The following ZER1 variants were observed in gnomAD, a reference collection of about 807,000 sequenced individuals.
ZER1 encodes the protein protein zer-1 homolog.
Under a neutral mutation model 78.8 loss-of-function variants are expected in ZER1, and 11 were observed. That is an observed-to-expected ratio of 0.14 (90% confidence interval 0.09 to 0.23). The LOEUF is 0.23. ZER1 is among the 10% of genes least tolerant of loss of function. ZER1 has a pLI of 1.00. For synonymous variants in ZER1, 400 were observed against 407.0 expected (o/e 0.98, Z 0.21); for missense variants, 588 against 996.9 (o/e 0.59, Z 5.52).
intron 1 of ZER1, among the ~76,000 whole-genome samples, chr9:128,756,754 T>C (rs1863871905): frequency 2.0e-5 from 3 of 152,192 alleles, no homozygotes; most frequent in African/African-American, 7.2e-5. Flanking sequence ...ACTGCCAGTG[T>C]GTATGGAGTT....
chr9:128,761,089 C>T (rs1211039419), intron 1 of ZER1, among the ~76,000 whole-genome samples: 10 of 138,060 alleles, frequency 7.2e-5, no homozygotes, highest in Admixed American at 2.2e-4. Flanking sequence ...ACCCGGGAGG[C>T]GGAGCTTGCA....
In ZER1 at chr9:128,741,887, C is replaced by T. The variant is rs746159231; in HGVS notation, c.1576-46G>A. ...CTGCTAGAGTGCTGGGGCTGAAGAA[C>T]TCCCACCCCCACGAACCCAAGATGG... On this transcript the variant is annotated intron_variant, in intron 9 of 15. Transcript: ENST00000291900. 5.0e-6 allele frequency: 8 copies of T among 1,613,774 alleles called. 1 individual carries two copies. The South Asian group carries it at 8.8e-5, about 18-fold the overall frequency.
At position 128,751,272 on chromosome 9, in the gene ZER1, C is replaced by T. The variant is rs768397777; in HGVS notation, c.1039-4G>A. The T allele has an allele frequency of 6.3e-6, 10 of 1,596,360 alleles. No homozygotes were observed. The highest frequency in any genetic ancestry group is 1.7e-4 in the Middle Eastern group (1 of 6,042). On this transcript the variant is annotated splice_region_variant and splice_polypyrimidine_tract_variant and intron_variant, in intron 6 of 15. Transcript: ENST00000291900. The surrounding 1 kb of genome is among the most constrained non-coding windows in gnomAD (Gnocchi z 5.4). ...CTTCGTTTTTGTCACCACTTACCTG[C>T]GGGTGGGACACGCTCAGAACAACCC...
intron 1 of ZER1, among the ~76,000 whole-genome samples, chr9:128,764,827 C>G (rs1025897782): frequency 6.6e-6 from 1 of 152,152 alleles, no homozygotes; most frequent in African/African-American, 2.4e-5. Flanking sequence ...TTATGACCGA[C>G]CACCACACTG....
At position 128,753,611 on chromosome 9, in the gene ZER1, G is replaced by A; in HGVS notation, c.310-11C>T. The stretch of plus-strand genomic sequence containing the variant: ...CAGCTCCACCAGGTCCTGGGAGTGG[G>A]CACAGCTCCATCATCATCACCACCC... On this transcript the variant is annotated splice_polypyrimidine_tract_variant and intron_variant, in intron 3 of 15. Coordinates refer to ENST00000291900, the MANE Select transcript of ZER1 (RefSeq NM_006336.4). This position sits in a 1 kb window ranked among gnomAD's most constrained non-coding sequence, Gnocchi z 7.5. 1 of 1,610,710 alleles carries A rather than the reference G, an allele frequency of 6.2e-7. No homozygotes were observed.
Position 128,731,370 on chromosome 9 carries a change from G to C in ZER1, c.2268C>G (p.Asn756Lys). The C allele has an allele frequency of 6.9e-7, 1 of 1,439,386 alleles. No homozygotes were observed. Among genetic ancestry groups the C allele is most frequent in the Non-Finnish European group, 9.3e-7 (1 of 1,071,144 alleles). The allele number at this position is 1,439,386 out of a possible 1,614,324, so 89.2% of individuals were successfully genotyped here. Residue 756 changes from asparagine (N) to lysine (K), a missense_variant, in exon 16 of 16, where the codon AAC (asparagine) becomes AAG (lysine). Coordinates refer to ENST00000291900, the MANE Select transcript of ZER1 (RefSeq NM_006336.4). Reference sequence around the variant, plus strand: ...ACGTGTCCATGTTCTCCTCTTTAAAGTTACTGCAGTGCTCAATCACCTTGC... The same window carrying C: ...ACGTGTCCATGTTCTCCTCTTTAAACTTACTGCAGTGCTCAATCACCTTGC... ...MARKVIEHCS[N>K]FKEENMDTSR
chr9:128,749,295 C>T (rs979687156), intron 8 of ZER1, among the ~76,000 whole-genome samples: 1 of 151,172 alleles, frequency 6.6e-6, no homozygotes, highest in Non-Finnish European at 1.5e-5. Context: ...GCACTGCACT[C>T]CAGCCTGGGC....
chr9:128,739,343 A>G (rs895174259), intron 13 of ZER1, among the ~76,000 whole-genome samples: 4 of 151,790 alleles, frequency 2.6e-5, no homozygotes, highest in African/African-American at 9.7e-5. Context: ...TCTACTAAAA[A>G]TACAAAAAAA....
In ZER1 at chr9:128,751,218, G is replaced by A. The variant is rs746697309; in HGVS notation, c.1089C>T (p.Tyr363=). ...EEQVLNAIEA[Y]TEHRPEITSR... ...AGGTGATCTCAGGCCGGTGCTCCGT[G>A]TAGGCCTCGATGGCATTCAGCACCT... Residue 363 remains tyrosine, a synonymous_variant, in exon 7 of 16, where the codon TAC becomes TAT. Transcript: ENST00000291900. The surrounding 1 kb of genome is among the most constrained non-coding windows in gnomAD (Gnocchi z 5.4). 2 of 1,607,502 alleles carry A rather than the reference G, an allele frequency of 1.2e-6. No individual in the cohort carries two copies. The highest frequency in any genetic ancestry group is 1.7e-6 in the Non-Finnish European group (2 of 1,174,610).
chr9:128,735,506 C>T, intron 13 of ZER1, 75 bp from the exon 14 acceptor site: 5 of 1,418,348 alleles, frequency 3.5e-6, no homozygotes, highest in Non-Finnish European at 4.8e-6. Flanking sequence ...GAGGTTTCCT[C>T]CCACTGGAGA....
chr9:128,759,387 G>A (rs1863969847), intron 1 of ZER1, among the ~76,000 whole-genome samples: 9 of 149,954 alleles, frequency 6.0e-5, no homozygotes, highest in Admixed American at 4.7e-4. Flanking sequence ...ATGTTGCTCA[G>A]GCTGGTCTCG....
In ZER1 at chr9:128,742,524, A is replaced by G. The variant is rs1179521088; in HGVS notation, c.1575+6T>C. The G allele has an allele frequency of 6.2e-7, 1 of 1,613,598 alleles. No individual in the cohort carries two copies. The highest frequency in any genetic ancestry group is 1.7e-5 in the Admixed American group (1 of 60,022). ...GGAGGAAGGGGGCAGCGCCCCCCAC[A>G]CGTACCACGACAAAGCCCATCTTGC... On this transcript the variant is annotated splice_donor_region_variant and intron_variant, in intron 9 of 15. Transcript: ENST00000291900.
At chr9:128,733,890 G>T (rs1030925146) in intron 14 of ZER1, among the ~76,000 whole-genome samples, 49 of 141,672 alleles carry the variant, frequency 3.5e-4, no homozygotes, top group African/African-American at 1.2e-3. Context: ...AGCACTTTGG[G>T]AGGCCGAGAC....
intron 1 of ZER1, among the ~76,000 whole-genome samples, chr9:128,759,745 A>G (rs1198714352): frequency 2.6e-5 from 4 of 152,098 alleles, no homozygotes; most frequent in Non-Finnish European, 5.9e-5. Context: ...CAGTGACCCA[A>G]GATGGCACCA....
In ZER1 at chr9:128,735,388, G is replaced by A. The variant is rs773864411; in HGVS notation, c.2086C>T (p.Pro696Ser). Residue 696 changes from proline to serine, a missense_variant, in exon 14 of 16, where the codon CCT (proline) becomes TCT (serine). Pro to Ser is a moderately conservative substitution (Grantham distance 74). Around this residue, in one of 3 missense-constraint regions of ZER1, gnomAD observed 122 missense variants for 173.5 expected, o/e 0.70. Coordinates refer to ENST00000291900, the MANE Select transcript of ZER1 (RefSeq NM_006336.4). ...ILRLLPQGISPVSQHWATWAL... is the reference protein window; with the variant it reads ...ILRLLPQGISSVSQHWATWAL... ...CAGGTTGCCCAGTGCTGGCTGACAG[G>A]AGAGATTCCCTGGGGAAGGAGGCGG... The A allele has an allele frequency of 1.2e-6, 2 of 1,614,170 alleles. No homozygotes were observed. Among genetic ancestry groups the A allele is most frequent in the Non-Finnish European group, 8.5e-7 (1 of 1,180,014 alleles).
Position 128,732,445 on chromosome 9 carries a change from C to G in ZER1, c.2243+981G>C, listed in dbSNP as rs1431881773. Among the ~76,000 whole-genome samples the G allele has an allele frequency of 6.6e-6, 1 of 152,238 alleles. No homozygotes were observed. The highest frequency in any genetic ancestry group is 2.4e-5 in the African/African-American group (1 of 41,454). ...AGTGCAGTGGCACCATCTCGGCTCA[C>G]TGCAACCTCTGCCTCCTGGATTCAA... is the stretch of plus-strand genomic sequence containing the variant. On this transcript the variant is annotated intron_variant, in intron 15 of 15. Transcript: ENST00000291900. This position sits in a 1 kb window ranked among gnomAD's most constrained non-coding sequence, Gnocchi z 4.8.
chr9:128,740,205 A>C lies in ZER1; in HGVS notation c.1854-86T>G. 7.6e-7 allele frequency: 1 copy of C among 1,311,198 alleles called. No homozygotes were observed. Among genetic ancestry groups the C allele is most frequent in the East Asian group, 2.5e-5 (1 of 39,240 alleles). The allele number at this position is 1,311,198 out of a possible 1,614,324, so 81.2% of individuals were successfully genotyped here. ...CGGCAGGACCCCAACTTAAAACCAG[A>C]AGCAAGAGGTGCTACTTATTTCTTT... On this transcript the variant is annotated intron_variant, in intron 12 of 15. Transcript: ENST00000291900. The surrounding 1 kb of genome is among the most constrained non-coding windows in gnomAD (Gnocchi z 4.4).
In ZER1 at chr9:128,740,431, T is replaced by A. The variant is rs1175409003; in HGVS notation, c.1854-312A>T. Among the ~76,000 whole-genome samples, 1 of 151,862 alleles carries A rather than the reference T, an allele frequency of 6.6e-6. No individual in the cohort carries two copies. The stretch of plus-strand genomic sequence containing the variant: ...CATCTCTACTAAAAATACAAAAAAA[T>A]TAGCTGGGCGTGGTGGCAGGCGCCT... On this transcript the variant is annotated intron_variant, in intron 12 of 15. Coordinates refer to ENST00000291900, the MANE Select transcript of ZER1 (RefSeq NM_006336.4). This position sits in a 1 kb window ranked among gnomAD's most constrained non-coding sequence, Gnocchi z 4.4.
intron 8 of ZER1, among the ~76,000 whole-genome samples, chr9:128,749,317 A>C (rs1368414505): frequency 7.9e-5 from 12 of 151,638 alleles, no homozygotes; most frequent in Admixed American, 7.9e-4. Context: ...ACAGAGTAAG[A>C]CTCCATCTCG....
Sources: allele counts gnomAD v4.1 joint callset (sites outside exome capture counted in the v4.1 genomes callset), GRCh38; gene constraint gnomAD v4.1.1; regional missense constraint gnomAD v4.1.1; non-coding constraint Gnocchi (gnomAD v3.1); transcripts MANE v1.5; gene names NCBI Gene and HGNC (gene_info 2026-07-23, HGNC 2026-07-21).